MDGA2: variants seen among roughly 807,000 people sequenced by gnomAD.
MDGA2 encodes MAM domain containing glycosylphosphatidylinositol anchor 2, also known as MAM domain-containing glycosylphosphatidylinositol anchor protein 2.
MDGA2 carries 40 observed loss-of-function variants against 117.8 expected under a neutral mutation model. The observed-to-expected ratio is 0.34, with a 90% confidence interval of 0.26 to 0.44. The LOEUF is 0.44. Ranked by LOEUF, MDGA2 falls within the 20% of genes least tolerant of loss-of-function variation. The pLI is 1.00. For missense variants in MDGA2, 1,123 were observed against 1,250.6 expected (o/e 0.90, Z 1.54); for synonymous variants, 452 against 439.0 (o/e 1.03, Z -0.37).
intron 1 of MDGA2, among the ~76,000 whole-genome samples, chr14:47,461,094 C>T (rs980996856): frequency 1.3e-5 from 2 of 152,088 alleles, no homozygotes; most frequent in Non-Finnish European, 2.9e-5. Context: ...AGTAACAACT[C>T]TGTTTTAAGA....
chr14:47,517,843 G>C (rs942012146), intron 1 of MDGA2, among the ~76,000 whole-genome samples: 1 of 152,042 alleles, frequency 6.6e-6, no homozygotes, highest in African/African-American at 2.4e-5. Flanking sequence ...TTTTCAACTA[G>C]AAAGCTGAAA....
intron 1 of MDGA2, among the ~76,000 whole-genome samples, chr14:47,521,449 C>A (rs1033742074): frequency 6.6e-6 from 1 of 151,950 alleles, no homozygotes; most frequent in African/African-American, 2.4e-5. Context: ...AACAAACAAA[C>A]AAATAAACAG....
intron 7 of MDGA2, among the ~76,000 whole-genome samples, chr14:47,053,610 T>C (rs1415404114): frequency 2.2e-4 from 2 of 9,086 alleles, no homozygotes; most frequent in Admixed American, 8.0e-4. Flanking sequence ...TGTATATATA[T>C]ATATATATAT....
intron 1 of MDGA2, among the ~76,000 whole-genome samples, chr14:47,609,473 TTATC>T (rs1896808888): frequency 2.3e-5 from 1 of 42,676 alleles, no homozygotes; most frequent in Admixed American, 2.9e-4. Context: ...ATAAGTTTCT[TTATC>T]TACTTGTTGA....
chr14:46,965,174 C>T (rs1216646458), intron 8 of MDGA2, among the ~76,000 whole-genome samples: 1 of 120,352 alleles, frequency 8.3e-6, no homozygotes, highest in African/African-American at 4.5e-5. Flanking sequence ...CCGCCCGCCT[C>T]GGCCTCCCAA....
intron 5 of MDGA2, among the ~76,000 whole-genome samples, chr14:47,112,212 AAAATTTTTTGCTT>A (rs1881078678): frequency 6.6e-6 from 1 of 152,170 alleles, no homozygotes; most frequent in African/African-American, 2.4e-5. Context: ...ACAGAATGAG[AAAATTTTTTGCTT>A]ATGCTTTTTT....
chr14:47,561,939 G>C (rs1895824819), intron 1 of MDGA2, among the ~76,000 whole-genome samples: 1 of 152,098 alleles, frequency 6.6e-6, no homozygotes. Context: ...AACATGAGGA[G>C]ATGTTGAAAT....
intron 3 of MDGA2, among the ~76,000 whole-genome samples, chr14:47,197,888 G>A (rs1353137792): frequency 2.6e-5 from 4 of 152,134 alleles, no homozygotes; most frequent in East Asian, 3.9e-4. Flanking sequence ...CTGCCTGGGC[G>A]ACAGAGCTAG....
At chr14:47,040,281 C>T (rs550527818) in intron 7 of MDGA2, among the ~76,000 whole-genome samples, 1 of 152,130 alleles carries the variant, frequency 6.6e-6, no homozygotes, top group South Asian at 2.1e-4. Context: ...AAGAACTATA[C>T]CAGAACACTA....
At position 47,440,355 on chromosome 14, in the gene MDGA2, C is replaced by G. The variant is rs534611345; in HGVS notation, c.281-138805G>C. Among the ~76,000 whole-genome samples the G allele has an allele frequency of 9.9e-5, 15 of 152,258 alleles. No individual in the cohort carries two copies. The East Asian group carries it at 2.3e-3, about 24-fold the overall frequency. ...CCCCTGAGGGACTATGTCCATGGGA[C>G]TTTGTTTATCTCACATCCTTACTTG... is the stretch of plus-strand genomic sequence containing the variant. On this transcript the variant is annotated intron_variant, in intron 1 of 16. Transcript: ENST00000399232.
intron 6 of MDGA2, among the ~76,000 whole-genome samples, chr14:47,093,467 T>A (rs1879788044): frequency 6.6e-6 from 1 of 151,842 alleles, no homozygotes; most frequent in African/African-American, 2.4e-5. Context: ...CTAACAGGAG[T>A]TTGGAAAGCA....
At chr14:46,928,450 T>C (rs1477310493) in intron 9 of MDGA2, among the ~76,000 whole-genome samples, 1 of 152,142 alleles carries the variant, frequency 6.6e-6, no homozygotes, top group Non-Finnish European at 1.5e-5. Context: ...TCTTTTAGAT[T>C]GCCTCTTCTT....
intron 1 of MDGA2, among the ~76,000 whole-genome samples, chr14:47,311,625 A>G (rs1347870383): frequency 2.0e-5 from 3 of 152,156 alleles, no homozygotes; most frequent in Non-Finnish European, 4.4e-5. Context: ...TTCAGACTCC[A>G]CTGGGGCAAT....
intron 1 of MDGA2, among the ~76,000 whole-genome samples, chr14:47,640,508 A>T (rs748368234): frequency 8.5e-5 from 13 of 152,084 alleles, no homozygotes; most frequent in Non-Finnish European, 1.8e-4. Context: ...TTCCTTTCTA[A>T]AAATTTGTGG....
At chr14:47,367,720 T>C (rs1451691531) in intron 1 of MDGA2, among the ~76,000 whole-genome samples, 2 of 152,212 alleles carry the variant, frequency 1.3e-5, no homozygotes, top group Middle Eastern at 3.2e-3. Context: ...ATACGTTTCT[T>C]GACCTCCTAC....
chr14:46,953,022 G>A (rs1885423728), intron 9 of MDGA2, among the ~76,000 whole-genome samples: 2 of 151,816 alleles, frequency 1.3e-5, no homozygotes, highest in South Asian at 4.1e-4. Context: ...GGAAACTGCA[G>A]TATCCCAGAA....
chr14:47,177,868 A>C (rs967387036), intron 3 of MDGA2, among the ~76,000 whole-genome samples: 2 of 152,258 alleles, frequency 1.3e-5, no homozygotes, highest in East Asian at 3.9e-4. Context: ...GTGTGTGTGT[A>C]TATACATAAT....
intron 1 of MDGA2, among the ~76,000 whole-genome samples, chr14:47,559,020 C>G (rs1249178475): frequency 6.6e-6 from 1 of 151,986 alleles, no homozygotes; most frequent in African/African-American, 2.4e-5. Flanking sequence ...ACAGGAGTCT[C>G]AAATAATAAA....
chr14:47,540,453 A>G (rs973728379), intron 1 of MDGA2, among the ~76,000 whole-genome samples: 4 of 145,086 alleles, frequency 2.8e-5, no homozygotes, highest in Admixed American at 2.1e-4. Context: ...CAACACACAC[A>G]CTCCGTCCCT....
Sources: allele counts gnomAD v4.1 joint callset (sites outside exome capture counted in the v4.1 genomes callset), GRCh38; gene constraint gnomAD v4.1.1; transcripts MANE v1.5; gene names NCBI Gene and HGNC (gene_info 2026-07-23, HGNC 2026-07-21).